The following ACOT7 variants were observed in gnomAD, a reference collection of about 807,000 sequenced individuals.
ACOT7 encodes cytosolic acyl coenzyme A thioester hydrolase.
ACOT7 carries 12 observed loss-of-function variants against 40.2 expected under a neutral mutation model. The ratio of observed to expected loss-of-function variants is 0.30; its 90% CI spans 0.19 to 0.48. The LOEUF (loss-of-function observed/expected upper bound fraction) is 0.48, where lower values mean the gene tolerates loss of function less well. ACOT7 is among the 20% of genes least tolerant of loss of function. ACOT7 has a pLI of 0.99. For missense variants in ACOT7, 395 were observed against 530.8 expected, an observed-to-expected ratio of 0.74 and a Z score of 2.51; for synonymous variants, 228 against 219.5, an observed-to-expected ratio of 1.04 and a Z score of -0.34.
chr1:6,311,818 G>A lies in ACOT7; in HGVS notation c.712+6674C>T, dbSNP rs773210429. 2.6e-5 allele frequency among the ~76,000 whole-genome samples: 4 copies of A among 152,274 alleles called. No individual in the cohort carries two copies. Among genetic ancestry groups the A allele is most frequent in the Admixed American group, 6.5e-5 (1 of 15,304 alleles). Reference sequence around the variant, plus strand: ...TTTCCCAGGGTAGGACGTTTACCGCGGCAGTGCTGCCCCAGCCTGTCCCCG... The same window carrying A: ...TTTCCCAGGGTAGGACGTTTACCGCAGCAGTGCTGCCCCAGCCTGTCCCCG... On this transcript the variant is annotated intron_variant, in intron 6 of 8. Transcript: ENST00000361521. The surrounding 1 kb of genome is among the most constrained non-coding windows in gnomAD (Gnocchi z 5.2).
rs544831001 is a variant in ACOT7, at chr1:6,265,598, C to T, written c.1015-903G>A. The stretch of plus-strand genomic sequence containing the variant: ...CCTGTCGACGGGCTGCGATTATGAA[C>T]GGCACCCCCTTTCACTCTGTCTTGT... On this transcript the variant is annotated intron_variant, in intron 8 of 8. Coordinates refer to ENST00000361521, the MANE Select transcript of ACOT7 (RefSeq NM_007274.4). 1.2e-4 allele frequency among the ~76,000 whole-genome samples: 12 copies of T among 103,874 alleles called. No individual in the cohort carries two copies. The South Asian group carries it at 1.7e-3, about 15-fold the overall frequency. The allele number at this position is 103,874 out of a possible 152,430, so 68.1% of individuals were successfully genotyped here.
chr1:6,274,564 T>C lies in ACOT7; in HGVS notation c.1014+6538A>G, dbSNP rs567859819. Among the ~76,000 whole-genome samples the C allele has an allele frequency of 5.3e-5, 8 of 152,236 alleles. No homozygotes were observed. In the South Asian group the frequency reaches 1.7e-3, roughly 32 times the overall value. On this transcript the variant is annotated intron_variant, in intron 8 of 8. Transcript: ENST00000361521. The surrounding 1 kb of genome is among the most constrained non-coding windows in gnomAD (Gnocchi z 5.9). Reference sequence around the variant, plus strand: ...AGCTGAGGCCAGGAGAAGGAGGTCATAGGGCAGCAGCAGAAGCGAGGTGGG... The same window carrying C: ...AGCTGAGGCCAGGAGAAGGAGGTCACAGGGCAGCAGCAGAAGCGAGGTGGG...
At chr1:6,361,085 T>C (rs1469542693) in intron 1 of ACOT7, among the ~76,000 whole-genome samples, 1 of 152,184 alleles carries the variant, frequency 6.6e-6, no homozygotes, top group African/African-American at 2.4e-5. Context: ...AACAACCCGG[T>C]GTCCACCACG....
chr1:6,284,783 A>G (rs11804679), intron 7 of ACOT7, among the ~76,000 whole-genome samples: 13,751 of 151,964 alleles, frequency 0.09, 857 homozygotes, highest in Middle Eastern at 0.17. Context: ...AGCCTCTACA[A>G]GGGCCCCTAG....
chr1:6,385,388 C>A, intron 1 of ACOT7: 1 of 1,384,378 alleles, frequency 7.2e-7, no homozygotes, highest in Non-Finnish European at 9.9e-7. Context: ...CCCGACCCTA[C>A]TACCCTCCCC....
Position 6,362,299 on chromosome 1 carries a change from T to C in ACOT7, c.144-12433A>G, listed in dbSNP as rs146978547. On this transcript the variant is annotated intron_variant, in intron 1 of 8. Transcript: ENST00000361521. ...TACAAAAATTAGCCGGGCATGGTGG[T>C]GGGCGCCTGTAATGCCAGCTACTTG... 1.1e-4 allele frequency among the ~76,000 whole-genome samples: 17 copies of C among 152,050 alleles called. No individual in the cohort carries two copies. The East Asian group carries it at 2.9e-3, about 26-fold the overall frequency.
intron 1 of ACOT7, among the ~76,000 whole-genome samples, chr1:6,362,809 G>A (rs1189157845): frequency 6.6e-6 from 1 of 152,060 alleles, no homozygotes; most frequent in African/African-American, 2.4e-5. Flanking sequence ...CAGCACTTTG[G>A]GAGGCTGAGG....
chr1:6,278,636 C>G lies in ACOT7; in HGVS notation c.1014+2466G>C, dbSNP rs1315657253. Among the ~76,000 whole-genome samples, 1 of 152,120 alleles carries G rather than the reference C, an allele frequency of 6.6e-6. No homozygotes were observed. Among genetic ancestry groups the G allele is most frequent in the Non-Finnish European group, 1.5e-5 (1 of 68,036 alleles). On this transcript the variant is annotated intron_variant, in intron 8 of 8. Coordinates refer to ENST00000361521, the MANE Select transcript of ACOT7 (RefSeq NM_007274.4). This position sits in a 1 kb window ranked among gnomAD's most constrained non-coding sequence, Gnocchi z 4.1. ...TGTTGAGGGGCAGCACTGGCCAAGT[C>G]AATTTGGGAGTCAATACAACACACA... is the stretch of plus-strand genomic sequence containing the variant.
At chr1:6,303,678 T>C (rs1640032517) in intron 6 of ACOT7, among the ~76,000 whole-genome samples, 1 of 152,224 alleles carries the variant, frequency 6.6e-6, no homozygotes, top group Non-Finnish European at 1.5e-5. Context: ...TAACTTCATC[T>C]TGTTTTAAAT....
At position 6,385,586 on chromosome 1, in the gene ACOT7, T is replaced by A. The variant is rs747627222; in HGVS notation, c.143+7671A>T. 1.9e-6 allele frequency: 3 copies of A among 1,611,990 alleles called. 1 individual carries two copies. The highest frequency in any genetic ancestry group is 2.5e-6 in the Non-Finnish European group (3 of 1,179,214). On this transcript the variant is annotated intron_variant, in intron 1 of 8. Transcript: ENST00000361521. The stretch of plus-strand genomic sequence containing the variant: ...AGCACCCTCGCCGGGGCCCCACACA[T>A]CCCTGGCCAGCCACCAGCCTCCTGG...
chr1:6,291,289 T>C (rs1316621065), intron 7 of ACOT7, among the ~76,000 whole-genome samples: 1 of 152,028 alleles, frequency 6.6e-6, no homozygotes, highest in Non-Finnish European at 1.5e-5. Flanking sequence ...AGTGTCCTTA[T>C]AAGAGACAGA....
chr1:6,291,839 A>T (rs1365544035), intron 7 of ACOT7, among the ~76,000 whole-genome samples: 1 of 152,164 alleles, frequency 6.6e-6, no homozygotes, highest in Non-Finnish European at 1.5e-5. Flanking sequence ...ACCCAGTGTC[A>T]CCCAGAACCC....
Position 6,377,952 on chromosome 1 carries a change from C to T in ACOT7, c.143+15305G>A, listed in dbSNP as rs183913774. 4.5e-4 allele frequency among the ~76,000 whole-genome samples: 68 copies of T among 152,202 alleles called. No homozygotes were observed. In the South Asian group the frequency reaches 7.9e-3, roughly 18 times the overall value. On this transcript the variant is annotated intron_variant, in intron 1 of 8. Transcript: ENST00000361521. ...AGGTGTGGTGGCAGGCGCCTGTAGTCCCAGCTACTCGGGAGGCTGAGGCAG... is the reference window on the plus strand; with the variant it reads ...AGGTGTGGTGGCAGGCGCCTGTAGTTCCAGCTACTCGGGAGGCTGAGGCAG...
intron 5 of ACOT7, among the ~76,000 whole-genome samples, chr1:6,325,384 C>T (rs796629389): frequency 4.7e-4 from 69 of 146,436 alleles, no homozygotes; most frequent in African/African-American, 1.8e-3. Flanking sequence ...GAGGATAGAG[C>T]GAGATTCTGC....
intron 4 of ACOT7, among the ~76,000 whole-genome samples, chr1:6,332,377 C>G (rs929020879): frequency 1.3e-5 from 2 of 152,150 alleles, no homozygotes; most frequent in Non-Finnish European, 2.9e-5. Context: ...GAGAAGGAGG[C>G]GAGGGAGTAC....
At chr1:6,370,685 G>A (rs1408957400) in intron 1 of ACOT7, among the ~76,000 whole-genome samples, 2 of 151,598 alleles carry the variant, frequency 1.3e-5, no homozygotes, top group South Asian at 2.1e-4. Context: ...TAGAGATGGG[G>A]TTTCACCATG....
intron 5 of ACOT7, among the ~76,000 whole-genome samples, chr1:6,322,180 C>T (rs986412523): frequency 2.6e-5 from 4 of 151,306 alleles, no homozygotes; most frequent in Non-Finnish European, 4.4e-5. Context: ...TTTGAGATCG[C>T]GACCCTGCAC....
chr1:6,270,528 C>T (rs1319990192), intron 8 of ACOT7, among the ~76,000 whole-genome samples: 1 of 152,170 alleles, frequency 6.6e-6, no homozygotes, highest in East Asian at 1.9e-4. Flanking sequence ...CAGCTCAGGG[C>T]ACATGACCCC....
In ACOT7 at chr1:6,327,465, C is replaced by T. The variant is rs772158307; in HGVS notation, c.511-52G>A. ...CCCAGGCAGGACACGGCCTCCTCCC[C>T]TCGCTGGGCGGCCATGATCCCAGGC... On this transcript the variant is annotated intron_variant, in intron 4 of 8. Coordinates refer to ENST00000361521, the MANE Select transcript of ACOT7 (RefSeq NM_007274.4). 2.6e-6 allele frequency: 4 copies of T among 1,566,118 alleles called. No homozygotes were observed. In the East Asian group the frequency reaches 6.9e-5, roughly 27 times the overall value.
Sources: gnomAD v4.1 joint callset for allele counts (sites outside exome capture counted in the v4.1 genomes callset) on GRCh38, gnomAD v4.1.1 for gene constraint, Gnocchi (gnomAD v3.1) non-coding constraint, MANE v1.5 for transcripts, NCBI Gene and HGNC (gene_info 2026-07-23, HGNC 2026-07-21) for gene names.